The following PIK3C2B variants were observed in gnomAD, a reference collection of about 807,000 sequenced individuals.
PIK3C2B encodes phosphatidylinositol-4-phosphate 3-kinase catalytic subunit type 2 beta.
Under a neutral mutation model 184.3 loss-of-function variants are expected in PIK3C2B, and 83 were observed. The ratio of observed to expected loss-of-function variants is 0.45; its 90% CI spans 0.38 to 0.54. The LOEUF (loss-of-function observed/expected upper bound fraction) is 0.54, where lower values mean the gene tolerates loss of function less well. PIK3C2B is among the 20% of genes least tolerant of loss of function. The pLI is 0.00. For synonymous variants in PIK3C2B, 779 were observed against 837.6 expected, an observed-to-expected ratio of 0.93 and a Z score of 1.21; for missense variants, 1,736 against 2,113.5, an observed-to-expected ratio of 0.82 and a Z score of 3.50.
intron 2 of PIK3C2B, among the ~76,000 whole-genome samples, chr1:204,465,971 C>T (rs1040125180): frequency 1.3e-5 from 2 of 152,222 alleles, no homozygotes; most frequent in African/African-American, 2.4e-5. Flanking sequence ...CGGCTCTGAA[C>T]GGCCGGAATG....
chr1:204,463,593 T>C (rs1206136845), intron 5 of PIK3C2B, among the ~76,000 whole-genome samples: 3 of 152,148 alleles, frequency 2.0e-5, no homozygotes. Context: ...ATTTCTCCCC[T>C]GGGCTCCACA....
chr1:204,464,011 C>A lies in PIK3C2B; in HGVS notation c.1310+1G>T. The A allele has an allele frequency of 2.5e-6, 4 of 1,613,900 alleles. No individual in the cohort carries two copies. Among genetic ancestry groups the A allele is most frequent in the Non-Finnish European group, 3.4e-6 (4 of 1,179,854 alleles). ...GGGCTACCTCCCACCCATTCACTCA[C>A]TTCTGCAGGAACTCCTCCAGCCCGC... On this transcript the variant is annotated splice_donor_variant, in intron 5 of 32. Transcript: ENST00000684373. LOFTEE classifies it high-confidence loss of function.
rs117847032 is a variant in PIK3C2B at position 204,484,093 on chromosome 1, A to G, written c.-85+10263T>C. Among the ~76,000 whole-genome samples, 10 of 152,330 alleles carry G rather than the reference A, an allele frequency of 6.6e-5. No homozygotes were observed. The East Asian group carries it at 1.9e-3, about 29-fold the overall frequency. ...GGGTGTTACACTTTGTGCTGGTGAA[A>G]GGGAAAGAGAAGGAAGGCAGAGAAG... On this transcript the variant is annotated intron_variant, in intron 1 of 32. Transcript: ENST00000684373.
At position 204,476,573 on chromosome 1, in the gene PIK3C2B, T is replaced by A. The variant is rs545115405; in HGVS notation, c.-84-6687A>T. ...AATTAAATTAAATTAAAATTTAAAT[T>A]AAGATTGCTCCATTCCCTTAGTCTT... is the stretch of plus-strand genomic sequence containing the variant. On this transcript the variant is annotated intron_variant, in intron 1 of 32. Coordinates refer to ENST00000684373, the MANE Select transcript of PIK3C2B (RefSeq NM_001377334.1). 9.2e-5 allele frequency among the ~76,000 whole-genome samples: 14 copies of A among 152,336 alleles called. No homozygotes were observed. In the South Asian group the frequency reaches 2.3e-3, roughly 25 times the overall value.
chr1:204,465,150 G>T, intron 3 of PIK3C2B, 69 bp downstream of exon 3: 1 of 733,088 alleles, frequency 1.4e-6, no homozygotes, highest in Non-Finnish European at 2.4e-6. Context: ...AAGAAAGTTT[G>T]GAAATGGATG....
At chr1:204,445,616 A>AG (rs1364735112) in intron 16 of PIK3C2B, among the ~76,000 whole-genome samples, 2 of 151,516 alleles carry the variant, frequency 1.3e-5, no homozygotes, top group Non-Finnish European at 2.9e-5. Context: ...AAAAAAAAAA[A>AG]AGCATAAAAA....
At position 204,446,091 on chromosome 1, in the gene PIK3C2B, G is replaced by C. The variant is rs368714819; in HGVS notation, c.2543C>G (p.Ser848Trp). ...CACCAGGGGGAGCGAGCTCACCTCC[G>C]AGTGGCAGTAATATCGCTTCTCCCA... is the stretch of plus-strand genomic sequence containing the variant. The part of the protein sequence containing the change: ...RLWEKRYYCH[S>W]EVSSLPLVLA... The change falls in exon 16 of 33, where the codon TCG becomes TGG. Residue 848 changes from serine (S) to tryptophan (W), a missense_variant. Transcript: ENST00000684373. The C allele has an allele frequency of 3.7e-5, 59 of 1,595,802 alleles. No homozygotes were observed. The Admixed American group carries it at 7.1e-4, about 19-fold the overall frequency.
rs1470031976 is a variant in PIK3C2B at position 204,454,743 on chromosome 1, C to T, written c.1992G>A (p.Glu664=). 2.5e-6 allele frequency: 4 copies of T among 1,613,646 alleles called. 1 individual carries two copies. In the South Asian group the frequency reaches 3.3e-5, roughly 13 times the overall value. The stretch of plus-strand genomic sequence containing the variant: ...TTCGGGTCTGCAGGGGGCTGCACAG[C>T]TCCTTGCCGCCATGGCTGAGGGAGC... ...LSCSLSHGGK[E]LCSPLQTRRA... The change falls in exon 12 of 33, where the codon GAG becomes GAA. Residue 664 remains glutamate, a synonymous_variant. Transcript: ENST00000684373.
intron 2 of PIK3C2B, among the ~76,000 whole-genome samples, chr1:204,466,088 C>G (rs943818244): frequency 1.3e-5 from 2 of 152,208 alleles, no homozygotes; most frequent in African/African-American, 4.8e-5. Flanking sequence ...TGCTTTCAGT[C>G]ACCCAGGAGG....
chr1:204,434,703 C>T, intron 23 of PIK3C2B, 95 bp from the exon 24 acceptor site: 1 of 949,090 alleles, frequency 1.1e-6, no homozygotes, highest in Non-Finnish European at 1.6e-6. Flanking sequence ...CCAGCCCTGG[C>T]CTCTCTCTCT....
rs777217709 is a variant in PIK3C2B at position 204,457,817 on chromosome 1, C to T, written c.1624G>A (p.Ala542Thr). Residue 542 changes from alanine (A) to threonine (T), a missense_variant, in exon 9 of 33, where the codon GCC (alanine) becomes ACC (threonine). By Grantham distance (58) the Ala-to-Thr change is moderately conservative. This residue lies in a region of PIK3C2B where 609 missense variants were observed against 699.2 expected (regional missense o/e 0.87). Coordinates refer to ENST00000684373, the MANE Select transcript of PIK3C2B (RefSeq NM_001377334.1). ...VVQSVKAICN[A>T]LAAVETPEIT... The stretch of plus-strand genomic sequence containing the variant: ...TCAGGGGTTTCCACGGCGGCCAGGG[C>T]GTTGCAGATGGCCTTGACGGACTGG... 2.5e-5 allele frequency: 40 copies of T among 1,612,816 alleles called. No homozygotes were observed. The highest frequency in any genetic ancestry group is 4.5e-5 in the East Asian group (2 of 44,802).
chr1:204,437,278 T>C (rs894070869), intron 23 of PIK3C2B, among the ~76,000 whole-genome samples: 2 of 152,038 alleles, frequency 1.3e-5, no homozygotes, highest in African/African-American at 2.4e-5. Context: ...GTGGATCACC[T>C]GAGGTCAGGA....
In PIK3C2B at chr1:204,464,058, C is replaced by G; in HGVS notation, c.1264G>C (p.Gly422Arg). 1 of 1,614,196 alleles carries G rather than the reference C, an allele frequency of 6.2e-7. No homozygotes were observed. The highest frequency in any genetic ancestry group is 1.1e-5 in the South Asian group (1 of 91,088). Residue 422 changes from glycine (G) to arginine (R), a missense_variant, in exon 5 of 33, where the codon GGT becomes CGT. By Grantham distance (125) the Gly-to-Arg change is moderately radical (BLOSUM62 -2). Coordinates refer to ENST00000684373, the MANE Select transcript of PIK3C2B (RefSeq NM_001377334.1). ...CCGCAGGGCTTTAGCACAAAGTCAC[C>G]CACGTCCACATTCCTCAGGTCATCA... The part of the protein sequence containing the change: ...THDDLRNVDV[G>R]DFVLKPCGLE...
intron 1 of PIK3C2B, among the ~76,000 whole-genome samples, chr1:204,477,820 C>T (rs2103526308): frequency 6.6e-6 from 1 of 152,314 alleles, no homozygotes; most frequent in Admixed American, 6.5e-5. Flanking sequence ...CCAGGCCAGG[C>T]ACATACATAT....
intron 29 of PIK3C2B, chr1:204,428,823 C>A: frequency 2.5e-6 from 1 of 401,856 alleles, no homozygotes; most frequent in South Asian, 1.8e-5. Context: ...ATAGAAGAAG[C>A]AAATATAGCA....
intron 3 of PIK3C2B, 47 bp downstream of exon 3, chr1:204,465,172 C>CCACCCCCCAAGCCCACCCCAA: frequency 2.4e-6 from 2 of 820,644 alleles, no homozygotes; most frequent in Non-Finnish European, 2.1e-6. Context: ...CCCCCCTCCC[C>CCACCCCCCAAGCCCACCCCAA]ATCCCCCATA....
In PIK3C2B at chr1:204,433,433, G is replaced by T. The variant is rs768934350; in HGVS notation, c.3844-8C>A. On this transcript the variant is annotated splice_region_variant and splice_polypyrimidine_tract_variant and intron_variant, in intron 25 of 32. Transcript: ENST00000684373. The surrounding 1 kb of genome is among the most constrained non-coding windows in gnomAD (Gnocchi z 5.0). ...GATCCCACAGGACAACATCTAGAAG[G>T]AGCAGAAAGAAGAAGAGAGGGTGCC... 10 of 1,519,094 alleles carry T rather than the reference G, an allele frequency of 6.6e-6. No individual in the cohort carries two copies. The highest frequency in any genetic ancestry group is 3.4e-5 in the Admixed American group (2 of 59,350). 94.1% of individuals were successfully genotyped at this position (1,519,094 alleles called of 1,614,324 possible). A position where few individuals can be genotyped will look rare whatever the true frequency, so the allele number is the denominator to read the frequency against.
At position 204,427,727 on chromosome 1, in the gene PIK3C2B, T is replaced by C; in HGVS notation, c.4508A>G (p.Lys1503Arg). ...GGACAGCTTCACCTCCCCTCCCACC[T>C]TTCCGACGGGCCGGGCCCATGTGCC... is the stretch of plus-strand genomic sequence containing the variant. ...SDGTWARPVG[K>R]VGGEVKLSIS... The change falls in exon 31 of 33, where the codon AAG becomes AGG. Residue 1503 changes from lysine to arginine, a missense_variant. By Grantham distance (26) the Lys-to-Arg change is conservative. This residue lies in a region of PIK3C2B where 200 missense variants were observed against 199.1 expected (regional missense o/e 1.00). Coordinates refer to ENST00000684373, the MANE Select transcript of PIK3C2B (RefSeq NM_001377334.1). 2 of 1,613,998 alleles carry C rather than the reference T, an allele frequency of 1.2e-6. No homozygotes were observed. The highest frequency in any genetic ancestry group is 2.2e-5 in the East Asian group (1 of 44,886).
chr1:204,447,561 CGAG>C lies in PIK3C2B; in HGVS notation c.2361_2363del (p.Ser788del). 6.2e-7 allele frequency: 1 copy of C among 1,606,812 alleles called. No individual in the cohort carries two copies. Among genetic ancestry groups the C allele is most frequent in the Non-Finnish European group, 8.5e-7 (1 of 1,177,874 alleles). On this transcript the variant is annotated inframe_deletion, in exon 15 of 33. Coordinates refer to ENST00000684373, the MANE Select transcript of PIK3C2B (RefSeq NM_001377334.1). The surrounding 1 kb of genome is among the most constrained non-coding windows in gnomAD (Gnocchi z 4.1). ...GGCTGGTGAACTTGATGTCAAAGGC[CGAG>C]GTGGGGAAGTCAATCTGGGGGATGA...
Sources: gnomAD v4.1 joint callset for allele counts (sites outside exome capture counted in the v4.1 genomes callset) on GRCh38, gnomAD v4.1.1 for gene constraint, gnomAD v4.1.1 regional missense constraint, Gnocchi (gnomAD v3.1) non-coding constraint, MANE v1.5 for transcripts, NCBI Gene and HGNC (gene_info 2026-07-23, HGNC 2026-07-21) for gene names.